The following SLC16A7 variants were observed in gnomAD, a reference collection of about 807,000 sequenced individuals.
SLC16A7 encodes solute carrier family 16 member 7.
A neutral mutation model predicts 34.9 loss-of-function variants in SLC16A7; 33 were observed. The ratio of observed to expected loss-of-function variants is 0.94; its 90% CI spans 0.72 to 1.26. The LOEUF is 1.26. Ranked by LOEUF, SLC16A7 falls within the 50% of genes most tolerant of loss-of-function variation. The probability of loss-of-function intolerance (pLI) is 0.00; values close to 1 mark genes in which losing one functional copy is unlikely to be tolerated. For missense variants in SLC16A7, 573 were observed against 578.1 expected (o/e 0.99, Z 0.09); for synonymous variants, 201 against 206.6 (o/e 0.97, Z 0.23).
At position 59,781,841 on chromosome 12, in the gene SLC16A7, C is replaced by T. The variant is rs1161719153; in HGVS notation, c.*2162C>T. 3 of 152,086 alleles carry T rather than the reference C, an allele frequency of 2.0e-5. No individual in the cohort carries two copies. Among genetic ancestry groups the T allele is most frequent in the Non-Finnish European group, 2.9e-5 (2 of 67,998 alleles). The allele number at this position is 152,086 out of a possible 1,614,324, so 9.4% of individuals were successfully genotyped here. On this transcript the variant is annotated 3_prime_UTR_variant, in exon 6 of 6. Coordinates refer to ENST00000547379, the MANE Select transcript of SLC16A7 (RefSeq NM_001270623.2). ...AAAAGGCACATTAAACTAATATGAACATCAGATACCAGGGGGAAATAAATG... is the reference window on the plus strand; with the variant it reads ...AAAAGGCACATTAAACTAATATGAATATCAGATACCAGGGGGAAATAAATG...
At chr12:59,598,842 A>G (rs961828141) in intron 1 of SLC16A7, among the ~76,000 whole-genome samples, 1 of 152,256 alleles carries the variant, frequency 6.6e-6, no homozygotes, top group African/African-American at 2.4e-5. Context: ...TAACTGTAGT[A>G]TATAATAACT....
intron 3 of SLC16A7, among the ~76,000 whole-genome samples, chr12:59,740,331 G>A (rs1240404729): frequency 6.6e-6 from 1 of 151,994 alleles, no homozygotes; most frequent in Non-Finnish European, 1.5e-5. Context: ...TTTTTGTCAG[G>A]TTTGTCCAAG....
chr12:59,606,993 C>T (rs1878976570), intron 1 of SLC16A7, among the ~76,000 whole-genome samples: 1 of 152,090 alleles, frequency 6.6e-6, no homozygotes, highest in Admixed American at 6.6e-5. Flanking sequence ...GCCCCTTGGG[C>T]CAAATCCAGA....
chr12:59,779,674 A>T lies in SLC16A7; in HGVS notation c.1432A>T (p.Ile478Phe), dbSNP rs1883099552. 1.9e-6 allele frequency: 3 copies of T among 1,605,756 alleles called. No homozygotes were observed. The South Asian group carries it at 3.3e-5, about 18-fold the overall frequency. Residue 478 changes from isoleucine to phenylalanine, a missense_variant, in exon 6 of 6, where the codon ATT (isoleucine) becomes TTT (phenylalanine). Ile to Phe is a conservative substitution (Grantham distance 21). Coordinates refer to ENST00000547379, the MANE Select transcript of SLC16A7 (RefSeq NM_001270623.2). ...TGTAACCTCAGAAAGAGAAACTAACATTTAACAAGAATCACATCTCTGATT... is the reference window on the plus strand; with the variant it reads ...TGTAACCTCAGAAAGAGAAACTAACTTTTAACAAGAATCACATCTCTGATT... ...QSVTSERETN[I>F]
At chr12:59,685,375 A>G (rs1204336532) in intron 2 of SLC16A7, among the ~76,000 whole-genome samples, 1 of 152,140 alleles carries the variant, frequency 6.6e-6, no homozygotes, top group South Asian at 2.1e-4. Flanking sequence ...GATGGAAATG[A>G]TCTATTTCAG....
At chr12:59,634,201 T>C (rs1280079983) in intron 1 of SLC16A7, among the ~76,000 whole-genome samples, 1 of 151,958 alleles carries the variant, frequency 6.6e-6, no homozygotes, top group African/African-American at 2.4e-5. Flanking sequence ...TTGTGCAGAG[T>C]ACCTCCAGGT....
chr12:59,621,792 G>A (rs193193026), intron 1 of SLC16A7, among the ~76,000 whole-genome samples: 118 of 151,864 alleles, frequency 7.8e-4, no homozygotes, highest in Admixed American at 2.4e-3. Flanking sequence ...ATTTAGGTAG[G>A]GGGGTTGGGG....
At chr12:59,615,579 T>G (rs934887568) in intron 1 of SLC16A7, among the ~76,000 whole-genome samples, 2 of 152,228 alleles carry the variant, frequency 1.3e-5, no homozygotes, top group African/African-American at 4.8e-5. Flanking sequence ...AAGTGTTTCC[T>G]GCATCTGTGA....
chr12:59,725,201 T>C (rs1223394530), intron 3 of SLC16A7, among the ~76,000 whole-genome samples: 4 of 152,104 alleles, frequency 2.6e-5, no homozygotes, highest in Non-Finnish European at 5.9e-5. Context: ...GTTAAACAGC[T>C]AGATTCCACT....
At chr12:59,677,769 G>T (rs781022967) in intron 2 of SLC16A7, among the ~76,000 whole-genome samples, 14 of 152,230 alleles carry the variant, frequency 9.2e-5, no homozygotes, top group Non-Finnish European at 1.9e-4. Flanking sequence ...ATTTTGAAAG[G>T]TTTAAGAAAA....
At chr12:59,705,115 T>A in intron 3 of SLC16A7, 97 bp downstream of exon 3, 1 of 803,606 alleles carries the variant, frequency 1.2e-6, no homozygotes, top group East Asian at 2.5e-5. Flanking sequence ...TAAAACCCTG[T>A]TTTTATGTTA....
At chr12:59,701,225 A>G (rs1379135712) in intron 2 of SLC16A7, among the ~76,000 whole-genome samples, 7 of 151,744 alleles carry the variant, frequency 4.6e-5, no homozygotes, top group Admixed American at 1.3e-4. Context: ...TCTTCTGTCA[A>G]TGCTCTTAAT....
intron 3 of SLC16A7, among the ~76,000 whole-genome samples, chr12:59,727,574 G>A (rs1160592439): frequency 6.6e-6 from 1 of 152,112 alleles, no homozygotes; most frequent in Non-Finnish European, 1.5e-5. Flanking sequence ...ATTCAGAAAT[G>A]CTTTCAAAGG....
intron 2 of SLC16A7, among the ~76,000 whole-genome samples, chr12:59,658,804 C>A (rs1290672900): frequency 3.3e-5 from 5 of 151,868 alleles, no homozygotes; most frequent in African/African-American, 1.2e-4. Context: ...CGTATTTTGG[C>A]AGTATATTAA....
intron 3 of SLC16A7, among the ~76,000 whole-genome samples, chr12:59,753,211 A>T (rs12819452): frequency 0.12 from 18,624 of 152,156 alleles, 1,483 homozygotes; most frequent in African/African-American, 0.22. Flanking sequence ...CGAGCAAAAT[A>T]ACCAGCTAAC....
intron 3 of SLC16A7, among the ~76,000 whole-genome samples, chr12:59,712,306 G>T (rs1280813534): frequency 6.6e-6 from 1 of 152,188 alleles, no homozygotes; most frequent in Non-Finnish European, 1.5e-5. Context: ...GGAAATGCAA[G>T]AAATAAATAG....
chr12:59,765,171 A>G (rs1038028192), intron 3 of SLC16A7, among the ~76,000 whole-genome samples: 3 of 151,770 alleles, frequency 2.0e-5, no homozygotes, highest in African/African-American at 4.8e-5. Context: ...CCACTTTTTG[A>G]TGGGGTTGTT....
intron 3 of SLC16A7, among the ~76,000 whole-genome samples, chr12:59,751,887 C>A (rs902391001): frequency 6.6e-6 from 1 of 152,060 alleles, no homozygotes; most frequent in South Asian, 2.1e-4. Flanking sequence ...CTCACACGGC[C>A]GGGTACTCCT....
At chr12:59,726,187 A>G (rs1052999377) in intron 3 of SLC16A7, among the ~76,000 whole-genome samples, 2 of 152,160 alleles carry the variant, frequency 1.3e-5, no homozygotes, top group African/African-American at 4.8e-5. Flanking sequence ...CCTGTAAATT[A>G]TCAGAATGCT....
Sources: allele counts gnomAD v4.1 joint callset (sites outside exome capture counted in the v4.1 genomes callset), GRCh38; gene constraint gnomAD v4.1.1; transcripts MANE v1.5; gene names NCBI Gene and HGNC (gene_info 2026-07-23, HGNC 2026-07-21).